The following XKR9 variants were observed in gnomAD, a reference collection of about 807,000 sequenced individuals.
XKR9 encodes the protein XK related 9, also known as XK-related protein 9.
Under a neutral mutation model 32.0 loss-of-function variants are expected in XKR9, and 32 were observed. The ratio of observed to expected loss-of-function variants is 1.00; its 90% CI spans 0.76 to 1.34. The LOEUF is 1.34. XKR9 is among the 40% of genes most tolerant of loss of function. The pLI is 0.00. For missense variants in XKR9, 546 were observed against 429.7 expected (o/e 1.27, Z -2.39); for synonymous variants, 168 against 143.4 (o/e 1.17, Z -1.22).
intron 2 of XKR9, among the ~76,000 whole-genome samples, chr8:70,760,092 TA>T (rs1369325635): frequency 6.6e-6 from 1 of 152,228 alleles, no homozygotes; most frequent in Non-Finnish European, 1.5e-5. Context: ...TAATGAACTT[TA>T]AAAATATTTA....
At chr8:70,711,122 A>T (rs1805905433) in intron 4 of XKR9, among the ~76,000 whole-genome samples, 1 of 152,324 alleles carries the variant, frequency 6.6e-6, no homozygotes, top group South Asian at 2.1e-4. Flanking sequence ...GTCAAAAAAT[A>T]GCAGATGTAG....
the XKR9 span, among the ~76,000 whole-genome samples, chr8:71,034,455 G>A: frequency 1.3e-5 from 2 of 152,180 alleles, no homozygotes; most frequent in Non-Finnish European, 2.9e-5. Flanking sequence ...CCAGTCTCAG[G>A]TATGTCCCTA....
the XKR9 span, among the ~76,000 whole-genome samples, chr8:71,002,034 A>T: frequency 6.6e-6 from 1 of 152,190 alleles, no homozygotes. Flanking sequence ...ATCTATCAGA[A>T]TGTTTCATAT....
the XKR9 span, among the ~76,000 whole-genome samples, chr8:70,967,101 C>T: frequency 1.7e-5 from 2 of 114,814 alleles, no homozygotes; most frequent in Non-Finnish European, 3.5e-5. Flanking sequence ...CTTGCTCTGT[C>T]ACCCAGGCTG....
At chr8:70,814,417 A>G in the XKR9 span, among the ~76,000 whole-genome samples, 1 of 152,080 alleles carries the variant, frequency 6.6e-6, no homozygotes, top group Admixed American at 6.5e-5. Flanking sequence ...CATTGTGCAC[A>G]TGTACCCTAA....
the XKR9 span, among the ~76,000 whole-genome samples, chr8:70,873,084 G>A: frequency 6.6e-6 from 1 of 152,306 alleles, no homozygotes; most frequent in South Asian, 2.1e-4. Context: ...CTGGATGACA[G>A]CACATATGTT....
the XKR9 span, among the ~76,000 whole-genome samples, chr8:70,892,611 A>G: frequency 6.6e-6 from 1 of 152,168 alleles, no homozygotes; most frequent in African/African-American, 2.4e-5. Context: ...TGCTGGGTAT[A>G]GTATTCTTTC....
chr8:71,038,848 A>G, the XKR9 span, among the ~76,000 whole-genome samples: 1 of 131,274 alleles, frequency 7.6e-6, no homozygotes, highest in East Asian at 2.2e-4. Context: ...ACTGCCACCC[A>G]GGCTGGAGTG....
intron 4 of XKR9, among the ~76,000 whole-genome samples, chr8:70,716,802 T>G (rs1232584458): frequency 6.6e-6 from 1 of 152,136 alleles, no homozygotes; most frequent in East Asian, 1.9e-4. Flanking sequence ...CATCCCAGCT[T>G]TAACCTAAAA....
At chr8:70,739,853 GCTTCCC>G (rs1159574827), downstream of XKR9, among the ~76,000 whole-genome samples, 1 of 152,174 alleles carries the variant, frequency 6.6e-6, no homozygotes, top group Non-Finnish European at 1.5e-5. Flanking sequence ...GGTCTGATGG[GCTTCCC>G]TTTGTGGGTA....
At chr8:70,704,431 C>A (rs1224530855) in intron 3 of XKR9, among the ~76,000 whole-genome samples, 7 of 152,118 alleles carry the variant, frequency 4.6e-5, no homozygotes, top group African/African-American at 1.2e-4. Context: ...AGACACTTAA[C>A]ATGTGCCAGG....
the XKR9 span, among the ~76,000 whole-genome samples, chr8:70,926,083 AC>A: frequency 2.0e-5 from 3 of 152,134 alleles, no homozygotes; most frequent in African/African-American, 7.2e-5. Context: ...TTTTTTCTAA[AC>A]TTTTTTTGAG....
chr8:70,972,551 G>T, the XKR9 span, among the ~76,000 whole-genome samples: 6 of 152,062 alleles, frequency 3.9e-5, no homozygotes, highest in African/African-American at 1.2e-4. Context: ...CCAGTTTTTA[G>T]GGGGAATGCT....
chr8:70,852,044 G>A, the XKR9 span, among the ~76,000 whole-genome samples: 5 of 152,260 alleles, frequency 3.3e-5, no homozygotes, highest in Middle Eastern at 3.4e-3. Flanking sequence ...TCTGACAAAG[G>A]TCTAATATCC....
At chr8:70,745,903 G>T (rs1426815432) in intron 2 of XKR9, among the ~76,000 whole-genome samples, 1 of 152,134 alleles carries the variant, frequency 6.6e-6, no homozygotes, top group Non-Finnish European at 1.5e-5. Flanking sequence ...TCTAACTCTG[G>T]CTGATGCCCC....
the XKR9 span, among the ~76,000 whole-genome samples, chr8:70,869,082 C>T: frequency 6.6e-6 from 1 of 152,128 alleles, no homozygotes; most frequent in Non-Finnish European, 1.5e-5. Flanking sequence ...TTTCCATAGC[C>T]ATTCAACAAG....
chr8:71,044,175 A>G, the XKR9 span, among the ~76,000 whole-genome samples: 1 of 152,222 alleles, frequency 6.6e-6, no homozygotes, highest in Non-Finnish European at 1.5e-5. Context: ...CACATGCTAT[A>G]TACATAGATT....
At chr8:70,913,517 G>T in the XKR9 span, among the ~76,000 whole-genome samples, 1 of 151,942 alleles carries the variant, frequency 6.6e-6, no homozygotes. Context: ...TTATCAAAAA[G>T]AAAAACTTAG....
rs140733779 is a variant in XKR9 at position 70,734,179 on chromosome 8, G to T, written c.877G>T (p.Val293Phe). 1.2e-6 allele frequency: 2 copies of T among 1,613,174 alleles called. No individual in the cohort carries two copies. The highest frequency in any genetic ancestry group is 2.7e-5 in the African/African-American group (2 of 74,856). Residue 293 changes from valine (V) to phenylalanine (F), a missense_variant, in exon 5 of 5, where the codon GTT becomes TTT. Physicochemically the swap from Val to Phe is conservative, Grantham distance 50. Coordinates refer to ENST00000408926, the MANE Select transcript of XKR9 (RefSeq NM_001011720.2). ...GTGTCCAATGTCTTGTTATTATATT[G>T]TTAGGGTACTGGGCACTTTGGGGAT... ...TKCPMSCYYI[V>F]RVLGTLGILT...
Sources: gnomAD v4.1 joint callset for allele counts (sites outside exome capture counted in the v4.1 genomes callset) on GRCh38, gnomAD v4.1.1 for gene constraint, MANE v1.5 for transcripts, NCBI Gene and HGNC (gene_info 2026-07-23, HGNC 2026-07-21) for gene names.